ZNF331: variants seen among roughly 807,000 people sequenced by gnomAD.
ZNF331 encodes zinc finger protein 331, also known as C2H2-like zinc finger protein rearranged in thyroid adenomas.
ZNF331 carries 2 observed loss-of-function variants against 7.0 expected under a neutral mutation model. The ratio of observed to expected loss-of-function variants is 0.29; its 90% CI spans 0.12 to 0.90. ZNF331 has a LOEUF of 0.90. Among genes scored for constraint, ZNF331 ranks in the 40% least tolerant of loss-of-function variants. ZNF331 has a pLI of 0.58. For missense variants in ZNF331, 432 were observed against 587.7 expected (o/e 0.74, Z 2.74); for synonymous variants, 196 against 205.4 (o/e 0.95, Z 0.39).
Position 53,571,498 on chromosome 19 carries a change from C to A in ZNF331, c.10-106C>A. On this transcript the variant is annotated intron_variant, in intron 4 of 5. Coordinates refer to ENST00000449416, the MANE Select transcript of ZNF331 (RefSeq NM_001079906.2). This position sits in a 1 kb window ranked among gnomAD's most constrained non-coding sequence, Gnocchi z 4.7. ...GCCCCTTGCCGATGTCACGGGTGTTCAGTCTGCTCACGGTGTTCACCCTAC... is the reference window on the plus strand; with the variant it reads ...GCCCCTTGCCGATGTCACGGGTGTTAAGTCTGCTCACGGTGTTCACCCTAC... 1.4e-6 allele frequency: 2 copies of A among 1,435,774 alleles called. No individual in the cohort carries two copies. Among genetic ancestry groups the A allele is most frequent in the Non-Finnish European group, 1.9e-6 (2 of 1,053,106 alleles). 88.9% of individuals were successfully genotyped at this position (1,435,774 alleles called of 1,614,324 possible). A position where few individuals can be genotyped will look rare whatever the true frequency, so the allele number is the denominator to read the frequency against.
Position 53,576,193 on chromosome 19 carries a change from A to G in ZNF331, c.137-504A>G, listed in dbSNP as rs143518811. Among the ~76,000 whole-genome samples the G allele has an allele frequency of 4.5e-4, 68 of 151,582 alleles. 2 individuals are homozygous for G. The East Asian group carries it at 8.8e-3, about 20-fold the overall frequency. Reference sequence around the variant, plus strand: ...GAGACAAGGTTTCTCCATGTTGGTCAAGCTGGTCTCGGACTCCCGACCTCA... The same window carrying G: ...GAGACAAGGTTTCTCCATGTTGGTCGAGCTGGTCTCGGACTCCCGACCTCA... On this transcript the variant is annotated intron_variant, in intron 5 of 5. Coordinates refer to ENST00000449416, the MANE Select transcript of ZNF331 (RefSeq NM_001079906.2).
chr19:53,548,431 A>AT lies in ZNF331; in HGVS notation c.-137-7408dup, dbSNP rs1047018179. ...CGGCCAATGCCCGACTAATTTTTCA[A>AT]TTTTTTGTAGATATGGGGTCTCACC... On this transcript the variant is annotated intron_variant, in intron 2 of 5. Transcript: ENST00000449416. 4.3e-4 allele frequency among the ~76,000 whole-genome samples: 65 copies of AT among 151,686 alleles called. No individual in the cohort carries two copies. The Middle Eastern group carries it at 0.017, about 40-fold the overall frequency.
rs1036193978 is a variant in ZNF331, at chr19:53,579,410, G to C, written c.*1458G>C. ...CAAAGGCTCACTACCCCTGTGCGTT[G>C]TCCAGCACACAGACACTATGTGCAT... is the stretch of plus-strand genomic sequence containing the variant. On this transcript the variant is annotated 3_prime_UTR_variant, in exon 6 of 6. Coordinates refer to ENST00000449416, the MANE Select transcript of ZNF331 (RefSeq NM_001079906.2). The C allele has an allele frequency of 5.4e-6, 1 of 185,106 alleles. No homozygotes were observed. Among genetic ancestry groups the C allele is most frequent in the African/African-American group, 2.4e-5 (1 of 42,200 alleles). The allele number at this position is 185,106 out of a possible 1,614,324, so 11.5% of individuals were successfully genotyped here.
upstream of ZNF331, among the ~76,000 whole-genome samples, chr19:53,514,775 C>T (rs1171351908): frequency 3.3e-5 from 5 of 151,598 alleles, no homozygotes; most frequent in South Asian, 2.1e-4. Flanking sequence ...CTCAGCCTCC[C>T]GAGTAGCTGG....
intron 1 of ZNF331, chr19:53,522,528 C>T (rs558183153): frequency 1.3e-5 from 2 of 152,290 alleles, no homozygotes; most frequent in Admixed American, 1.3e-4. Context: ...AGCCACCGCG[C>T]CTGGACGTGT....
intron 2 of ZNF331, among the ~76,000 whole-genome samples, chr19:53,527,003 A>G (rs539846063): frequency 6.6e-6 from 1 of 151,042 alleles, no homozygotes; most frequent in Admixed American, 6.6e-5. Flanking sequence ...AGCCTGACCA[A>G]CATGGTGAAA....
Position 53,560,359 on chromosome 19 carries a change from A to G in ZNF331, c.-74+4451A>G, listed in dbSNP as rs1486687600. ...ATAAACACCATATATATACAGACAC[A>G]TATACACACCCACAGATAGACACAC... On this transcript the variant is annotated intron_variant, in intron 3 of 5. Transcript: ENST00000449416. The surrounding 1 kb of genome is among the most constrained non-coding windows in gnomAD (Gnocchi z 4.3). Among the ~76,000 whole-genome samples the G allele has an allele frequency of 6.6e-6, 1 of 152,056 alleles. No homozygotes were observed. Among genetic ancestry groups the G allele is most frequent in the East Asian group, 1.9e-4 (1 of 5,198 alleles).
chr19:53,559,364 T>A (rs1174311949), intron 3 of ZNF331, among the ~76,000 whole-genome samples: 1 of 146,986 alleles, frequency 6.8e-6, no homozygotes, highest in Non-Finnish European at 1.5e-5. Context: ...TACACACATA[T>A]ACACACACAC....
At chr19:53,567,483 T>C (rs1030472780) in intron 3 of ZNF331, among the ~76,000 whole-genome samples, 11 of 152,058 alleles carry the variant, frequency 7.2e-5, no homozygotes, top group African/African-American at 2.7e-4. Context: ...ATGGTCTGCA[T>C]AGAAGACCAC....
chr19:53,561,431 T>C (rs1600420004), intron 3 of ZNF331, among the ~76,000 whole-genome samples: 1 of 152,096 alleles, frequency 6.6e-6, no homozygotes, highest in Non-Finnish European at 1.5e-5. Flanking sequence ...CATTACTGTT[T>C]CTGGTCCTCG....
chr19:53,547,755 T>C (rs902108065), intron 2 of ZNF331, among the ~76,000 whole-genome samples: 1 of 152,148 alleles, frequency 6.6e-6, no homozygotes, highest in African/African-American at 2.4e-5. Context: ...TGGTTTAACT[T>C]TTTGTTGCCC....
chr19:53,523,766 T>C (rs1462367783), intron 2 of ZNF331, among the ~76,000 whole-genome samples: 1 of 141,792 alleles, frequency 7.1e-6, no homozygotes, highest in Non-Finnish European at 1.6e-5. Flanking sequence ...TCTATAGGGA[T>C]ACTATTTTTT....
At chr19:53,545,697 A>C (rs10411772) in intron 2 of ZNF331, among the ~76,000 whole-genome samples, 29,107 of 152,166 alleles carry the variant, frequency 0.19, 5,902 homozygotes, top group African/African-American at 0.52. Flanking sequence ...ACCTTCCAAC[A>C]GTGTGGTACC....
chr19:53,558,575 T>A lies in ZNF331; in HGVS notation c.-74+2667T>A, dbSNP rs1181784720. The stretch of plus-strand genomic sequence containing the variant: ...GAAACTCAAGGCCCGTCTGTTCAGA[T>A]TCTTCTTGGCCTCTCAGTGCAGCAT... On this transcript the variant is annotated intron_variant, in intron 3 of 5. Coordinates refer to ENST00000449416, the MANE Select transcript of ZNF331 (RefSeq NM_001079906.2). The surrounding 1 kb of genome is among the most constrained non-coding windows in gnomAD (Gnocchi z 4.5). Among the ~76,000 whole-genome samples, 1 of 152,082 alleles carries A rather than the reference T, an allele frequency of 6.6e-6. No individual in the cohort carries two copies. The highest frequency in any genetic ancestry group is 1.5e-5 in the Non-Finnish European group (1 of 68,006).
upstream of ZNF331, among the ~76,000 whole-genome samples, chr19:53,535,801 C>CTTTTTTTTT (rs558002929): frequency 7.0e-6 from 1 of 143,424 alleles, no homozygotes. Flanking sequence ...AAAATGTTCA[C>CTTTTTTTTT]TTTTTTTTTT....
the ZNF331 span, among the ~76,000 whole-genome samples, chr19:53,504,610 G>A: frequency 4.6e-5 from 7 of 152,188 alleles, no homozygotes; most frequent in Non-Finnish European, 8.8e-5. Context: ...TAGACGGGGG[G>A]AATGTGCGCA....
In ZNF331 at chr19:53,578,376, G is replaced by A. The variant is rs1346324496; in HGVS notation, c.*424G>A. ...CTTCCTTTTAAATGAAAAGGTGAAAGTTCTCAACTTAAAAAAGAAAAGAAA... is the reference window on the plus strand; with the variant it reads ...CTTCCTTTTAAATGAAAAGGTGAAAATTCTCAACTTAAAAAAGAAAAGAAA... On this transcript the variant is annotated 3_prime_UTR_variant, in exon 6 of 6. Coordinates refer to ENST00000449416, the MANE Select transcript of ZNF331 (RefSeq NM_001079906.2). The A allele has an allele frequency of 8.5e-6, 2 of 236,188 alleles. No individual in the cohort carries two copies. Among genetic ancestry groups the A allele is most frequent in the African/African-American group, 4.4e-5 (2 of 45,192 alleles). 14.6% of individuals were successfully genotyped at this position (236,188 alleles called of 1,614,324 possible).
At chr19:53,562,710 C>T (rs2089953824) in intron 3 of ZNF331, among the ~76,000 whole-genome samples, 1 of 150,704 alleles carries the variant, frequency 6.6e-6, no homozygotes, top group Non-Finnish European at 1.5e-5. Context: ...AAAAAAAACT[C>T]CGGGCACTGT....
chr19:53,545,455 C>T (rs1420278050), intron 2 of ZNF331, among the ~76,000 whole-genome samples: 1 of 152,226 alleles, frequency 6.6e-6, no homozygotes, highest in East Asian at 1.9e-4. Context: ...CCAGGTGACG[C>T]CCCAGAGGGC....
Sources: allele counts gnomAD v4.1 joint callset (sites outside exome capture counted in the v4.1 genomes callset), GRCh38; gene constraint gnomAD v4.1.1; non-coding constraint Gnocchi (gnomAD v3.1); transcripts MANE v1.5; gene names NCBI Gene and HGNC (gene_info 2026-07-23, HGNC 2026-07-21).